NAV2: variants seen among roughly 807,000 people sequenced by gnomAD.
The protein encoded by NAV2 is neuron navigator 2.
Under a neutral mutation model 223.2 loss-of-function variants are expected in NAV2, and 54 were observed. The ratio of observed to expected loss-of-function variants is 0.24; its 90% CI spans 0.19 to 0.30. NAV2 has a LOEUF of 0.30. Ranked by LOEUF, NAV2 falls within the 10% of genes least tolerant of loss-of-function variation. NAV2 has a pLI of 1.00. For missense variants in NAV2, 2,806 were observed against 3,147.5 expected (o/e 0.89, Z 2.60); for synonymous variants, 1,279 against 1,239.3 (o/e 1.03, Z -0.67).
chr11:19,489,370 T>C (rs1031571060), intron 1 of NAV2, among the ~76,000 whole-genome samples: 1 of 152,218 alleles, frequency 6.6e-6, no homozygotes, highest in African/African-American at 2.4e-5. Flanking sequence ...CTTCTAATGA[T>C]ACATTTCTTA....
In NAV2 at chr11:20,054,123, G is replaced by C; in HGVS notation, c.4525G>C (p.Glu1509Gln). The C allele has an allele frequency of 1.2e-6, 2 of 1,613,046 alleles. No individual in the cohort carries two copies. The highest frequency in any genetic ancestry group is 8.5e-7 in the Non-Finnish European group (1 of 1,179,818). Reference protein sequence around the residue: ...SQLRTQEDAKEWLRSHSAGGL... With the variant: ...SQLRTQEDAKQWLRSHSAGGL... ...GCTTCGCACGCAAGAAGATGCAAAA[G>C]AATGGTTACGGTCCCATTCTGCAGG... The change falls in exon 18 of 38, where the codon GAA becomes CAA. Residue 1509 changes from glutamate to glutamine, a missense_variant. Transcript: ENST00000349880.
chr11:20,002,955 A>C lies in NAV2; in HGVS notation c.2768+18708A>C, dbSNP rs116562489. On this transcript the variant is annotated intron_variant, in intron 11 of 37. Transcript: ENST00000349880. ...CCACCTCCTAATGATTAAACACTAC[A>C]CAAACACCCAGTGACCAGATTACCC... Among the ~76,000 whole-genome samples, 1,063 of 152,298 alleles carry C rather than the reference A, an allele frequency of 7.0e-3. 19 individuals are homozygous for C. Among genetic ancestry groups the C allele is most frequent in the African/African-American group, 0.024 (991 of 41,572 alleles).
intron 1 of NAV2, among the ~76,000 whole-genome samples, chr11:19,529,515 C>G (rs990986401): frequency 6.6e-6 from 1 of 152,066 alleles, no homozygotes; most frequent in Non-Finnish European, 1.5e-5. Context: ...TCTAACATGT[C>G]GCCTTTTTCT....
intron 1 of NAV2, among the ~76,000 whole-genome samples, chr11:19,752,767 A>T (rs2053933884): frequency 6.6e-6 from 1 of 152,010 alleles, no homozygotes; most frequent in South Asian, 2.1e-4. Flanking sequence ...CTATGAGGGG[A>T]TTTCTCATTG....
chr11:19,802,313 G>A (rs2058315799), intron 1 of NAV2, among the ~76,000 whole-genome samples: 1 of 152,066 alleles, frequency 6.6e-6, no homozygotes, highest in Non-Finnish European at 1.5e-5. Flanking sequence ...TGGGCTAGAG[G>A]GCTTGGCTGG....
intron 1 of NAV2, among the ~76,000 whole-genome samples, chr11:19,661,558 C>A (rs895864955): frequency 6.6e-6 from 1 of 152,148 alleles, no homozygotes; most frequent in Admixed American, 6.5e-5. Flanking sequence ...CCAGACAGAC[C>A]TGGATTGTAA....
chr11:19,959,911 C>A (rs1388490772), intron 10 of NAV2, among the ~76,000 whole-genome samples: 5 of 152,194 alleles, frequency 3.3e-5, no homozygotes, highest in Non-Finnish European at 5.9e-5. Flanking sequence ...TTGGAACGGA[C>A]CTCCTGCCCT....
At chr11:19,461,655 A>T (rs894273742) in intron 1 of NAV2, among the ~76,000 whole-genome samples, 2 of 152,254 alleles carry the variant, frequency 1.3e-5, no homozygotes, top group African/African-American at 4.8e-5. Context: ...TTCAAATCAT[A>T]GCTTGAAATC....
chr11:20,085,170 G>A (rs898375616), intron 26 of NAV2, among the ~76,000 whole-genome samples: 2 of 149,140 alleles, frequency 1.3e-5, no homozygotes, highest in Non-Finnish European at 1.5e-5. Flanking sequence ...CAGCCTGGGT[G>A]ACAGAGTAAG....
intron 1 of NAV2, among the ~76,000 whole-genome samples, chr11:19,538,632 G>T (rs2044254499): frequency 6.6e-6 from 1 of 151,846 alleles, no homozygotes; most frequent in Non-Finnish European, 1.5e-5. Flanking sequence ...GAGATTACAG[G>T]CGTTAGCTGC....
At chr11:19,921,123 T>C (rs577293719) in intron 6 of NAV2, among the ~76,000 whole-genome samples, 1 of 152,230 alleles carries the variant, frequency 6.6e-6, no homozygotes, top group Non-Finnish European at 1.5e-5. Flanking sequence ...AGAAATCTAG[T>C]AGGGCTGTGT....
At chr11:19,555,455 C>G (rs1475891183) in intron 1 of NAV2, among the ~76,000 whole-genome samples, 2 of 151,828 alleles carry the variant, frequency 1.3e-5, no homozygotes, top group East Asian at 3.9e-4. Flanking sequence ...CTGGGGGGGG[C>G]TCTGGGCAGC....
chr11:19,742,340 A>G (rs1291523863), intron 1 of NAV2, among the ~76,000 whole-genome samples: 1 of 152,242 alleles, frequency 6.6e-6, no homozygotes, highest in South Asian at 2.1e-4. Flanking sequence ...CTTGCCTCAT[A>G]CATTCTTTGT....
chr11:19,804,576 C>T (rs2058444093), intron 1 of NAV2, among the ~76,000 whole-genome samples: 1 of 152,190 alleles, frequency 6.6e-6, no homozygotes, highest in South Asian at 2.1e-4. Context: ...ATGACAATGA[C>T]ATAGTGGATA....
At chr11:19,391,060 C>T (rs1056737119) in intron 1 of NAV2, among the ~76,000 whole-genome samples, 6 of 152,108 alleles carry the variant, frequency 3.9e-5, no homozygotes, top group Admixed American at 2.6e-4. Context: ...TATCCCAGGC[C>T]AAGTAAATGA....
intron 31 of NAV2, 72 bp from the exon 32 acceptor site, chr11:20,100,865 C>T (rs1198562493): frequency 7.5e-7 from 1 of 1,333,542 alleles, no homozygotes; most frequent in African/African-American, 1.4e-5. Context: ...TCTTGGCAGT[C>T]CCAGTTAGGC....
intron 11 of NAV2, among the ~76,000 whole-genome samples, chr11:19,996,285 A>G (rs979304067): frequency 3.9e-5 from 6 of 152,198 alleles, no homozygotes; most frequent in Admixed American, 1.3e-4. Flanking sequence ...TTAGACCTAT[A>G]TGAGTAATAA....
intron 1 of NAV2, among the ~76,000 whole-genome samples, chr11:19,549,494 G>A (rs916452715): frequency 1.9e-4 from 29 of 152,208 alleles, no homozygotes; most frequent in Non-Finnish European, 4.0e-4. Flanking sequence ...GACACTGGCC[G>A]GAAGGAGATA....
At chr11:19,873,511 T>A (rs2062656434) in intron 4 of NAV2, among the ~76,000 whole-genome samples, 1 of 152,122 alleles carries the variant, frequency 6.6e-6, no homozygotes, top group African/African-American at 2.4e-5. Context: ...GGAACATCCT[T>A]CCAGGTGGAA....
Sources: gnomAD v4.1 joint callset for allele counts (sites outside exome capture counted in the v4.1 genomes callset) on GRCh38, gnomAD v4.1.1 for gene constraint, MANE v1.5 for transcripts, NCBI Gene and HGNC (gene_info 2026-07-23, HGNC 2026-07-21) for gene names.